The following ARGLU1 variants were observed in gnomAD, a reference collection of about 807,000 sequenced individuals.
ARGLU1 encodes the protein arginine and glutamate-rich protein 1.
Under a neutral mutation model 37.6 loss-of-function variants are expected in ARGLU1, and 9 were observed. The ratio of observed to expected loss-of-function variants is 0.24; its 90% CI spans 0.14 to 0.42. ARGLU1 has a LOEUF of 0.42. Among genes scored for constraint, ARGLU1 ranks in the 10% least tolerant of loss-of-function variants. The pLI is 1.00. For synonymous variants in ARGLU1, 166 were observed against 138.5 expected (o/e 1.20, Z -1.39); for missense variants, 211 against 359.2 (o/e 0.59, Z 3.34).
intron 2 of ARGLU1, chr13:106,558,569 G>C (rs1880716470): frequency 1.0e-6 from 1 of 985,302 alleles, no homozygotes; most frequent in Non-Finnish European, 1.2e-6. Flanking sequence ...AATTTGCCTT[G>C]AGTGTTTCAG....
In ARGLU1 at chr13:106,542,714, C is replaced by T. The variant is rs1327472617; in HGVS notation, c.*1282G>A. The T allele has an allele frequency of 1.3e-5, 2 of 151,134 alleles. No homozygotes were observed. The highest frequency in any genetic ancestry group is 1.3e-4 in the Admixed American group (2 of 15,132). 9.4% of individuals were successfully genotyped at this position (151,134 alleles called of 1,614,324 possible). ...ATGCATCTCAGGTAGCATTTTAGAT[C>T]AATATCCTTTTCTTGAATGTTTTAA... is the stretch of plus-strand genomic sequence containing the variant. On this transcript the variant is annotated 3_prime_UTR_variant, in exon 4 of 4. Transcript: ENST00000400198.
At position 106,567,890 on chromosome 13, in the gene ARGLU1, G is replaced by T. The variant is rs1180638436; in HGVS notation, c.30C>A (p.Ser10=). 1 of 1,610,578 alleles carries T rather than the reference G, an allele frequency of 6.2e-7. No individual in the cohort carries two copies. Residue 10 remains serine (S), a synonymous_variant, in exon 1 of 4, where the codon TCC becomes TCA. Transcript: ENST00000400198. The surrounding 1 kb of genome is among the most constrained non-coding windows in gnomAD (Gnocchi z 4.3). ...TGCTGCTCTTGGTGTGCTTGGAGCGGGACGAGCTCCGGCTCCGAGACCGGC... is the reference window on the plus strand; with the variant it reads ...TGCTGCTCTTGGTGTGCTTGGAGCGTGACGAGCTCCGGCTCCGAGACCGGC... MGRSRSRSS[S]RSKHTKSSKH... is the part of the protein sequence containing the mutation.
At chr13:106,546,316 T>A (rs1880388992) in intron 3 of ARGLU1, among the ~76,000 whole-genome samples, 1 of 152,242 alleles carries the variant, frequency 6.6e-6, no homozygotes, top group Non-Finnish European at 1.5e-5. Context: ...CAGCTTAACT[T>A]CCTAAAGTAT....
rs962266340 is a variant in ARGLU1 at position 106,567,275 on chromosome 13, C to A, written c.347+298G>T. ...TCTCCGACCTCACTCCGAACTCCAC[C>A]CCTACTTCCGGGACACCACTCCTCT... On this transcript the variant is annotated intron_variant, in intron 1 of 3. Coordinates refer to ENST00000400198, the MANE Select transcript of ARGLU1 (RefSeq NM_018011.4). The surrounding 1 kb of genome is among the most constrained non-coding windows in gnomAD (Gnocchi z 4.3). 1.3e-5 allele frequency among the ~76,000 whole-genome samples: 2 copies of A among 151,872 alleles called. No homozygotes were observed. Among genetic ancestry groups the A allele is most frequent in the Non-Finnish European group, 2.9e-5 (2 of 67,994 alleles).
At position 106,557,507 on chromosome 13, in the gene ARGLU1, A is replaced by G. The variant is rs1880690777; in HGVS notation, c.574-376T>C. ...TTTGTCTCACCAATTATGTATACCT[A>G]CGTATTCTTTACCTATACTCCTTTA... is the stretch of plus-strand genomic sequence containing the variant. On this transcript the variant is annotated intron_variant, in intron 2 of 3. Coordinates refer to ENST00000400198, the MANE Select transcript of ARGLU1 (RefSeq NM_018011.4). The surrounding 1 kb of genome is among the most constrained non-coding windows in gnomAD (Gnocchi z 5.0). 2.1e-6 allele frequency: 3 copies of G among 1,411,024 alleles called. No homozygotes were observed. In the Admixed American group the frequency reaches 6.5e-5, roughly 30 times the overall value. 87.4% of individuals were successfully genotyped at this position (1,411,024 alleles called of 1,614,324 possible).
intron 2 of ARGLU1, 61 bp downstream of exon 2, chr13:106,559,371 G>A: frequency 6.2e-7 from 1 of 1,602,602 alleles, no homozygotes; most frequent in Non-Finnish European, 8.5e-7. Flanking sequence ...GCAGGAGGCA[G>A]AACCCAACAC....
intron 1 of ARGLU1, chr13:106,561,863 G>A (rs1216560812): frequency 6.6e-6 from 1 of 152,172 alleles, no homozygotes; most frequent in Non-Finnish European, 1.5e-5. Flanking sequence ...TCAGTTCCCT[G>A]CTTCTATTTC....
chr13:106,547,067 C>A (rs765442762), intron 3 of ARGLU1, among the ~76,000 whole-genome samples: 1 of 152,114 alleles, frequency 6.6e-6, no homozygotes, highest in African/African-American at 2.4e-5. Context: ...GATAAAAAGA[C>A]GAGTCTGGCC....
rs145937593 is a variant in ARGLU1, at chr13:106,567,037, G to A, written c.347+536C>T. Among the ~76,000 whole-genome samples, 44 of 152,124 alleles carry A rather than the reference G, an allele frequency of 2.9e-4. No homozygotes were observed. The East Asian group carries it at 7.8e-3, about 27-fold the overall frequency. ...AACAGGAATACACTAAAGTGAAAAT[G>A]CATTTTTCTGGCGGACCACCTAAAG... On this transcript the variant is annotated intron_variant, in intron 1 of 3. Transcript: ENST00000400198. This position sits in a 1 kb window ranked among gnomAD's most constrained non-coding sequence, Gnocchi z 4.3.
intron 3 of ARGLU1, 70 bp downstream of exon 3, chr13:106,556,978 A>C: frequency 7.3e-7 from 1 of 1,377,252 alleles, no homozygotes; most frequent in Non-Finnish European, 1.0e-6. Flanking sequence ...CACAAAAATC[A>C]ATCCACAAAA....
chr13:106,557,619 T>A lies in ARGLU1; in HGVS notation c.574-488A>T. The A allele has an allele frequency of 6.2e-7, 1 of 1,601,308 alleles. No homozygotes were observed. Among genetic ancestry groups the A allele is most frequent in the Non-Finnish European group, 8.5e-7 (1 of 1,173,956 alleles). On this transcript the variant is annotated intron_variant, in intron 2 of 3. Coordinates refer to ENST00000400198, the MANE Select transcript of ARGLU1 (RefSeq NM_018011.4). This position sits in a 1 kb window ranked among gnomAD's most constrained non-coding sequence, Gnocchi z 5.0. ...GCTGCCATACGCGCCAGCTTCCTCTTTAAAATGATTTGTACTGTTAGCTTG... is the reference window on the plus strand; with the variant it reads ...GCTGCCATACGCGCCAGCTTCCTCTATAAAATGATTTGTACTGTTAGCTTG...
chr13:106,563,384 G>C (rs1880869571), intron 1 of ARGLU1, among the ~76,000 whole-genome samples: 2 of 152,144 alleles, frequency 1.3e-5, no homozygotes, highest in Admixed American at 1.3e-4. Flanking sequence ...CTGTTTCTCT[G>C]AACCTAAGTA....
At position 106,557,977 on chromosome 13, in the gene ARGLU1, T is replaced by G. The variant is rs193240670; in HGVS notation, c.574-846A>C. ...TGGTCAGGAAATAAAATTCTTCAAC[T>G]TATTTTTTCTTGGAGAATTTAATGA... On this transcript the variant is annotated intron_variant, in intron 2 of 3. Coordinates refer to ENST00000400198, the MANE Select transcript of ARGLU1 (RefSeq NM_018011.4). This position sits in a 1 kb window ranked among gnomAD's most constrained non-coding sequence, Gnocchi z 5.0. 1.0e-6 allele frequency: 1 copy of G among 985,402 alleles called. No individual in the cohort carries two copies. Among genetic ancestry groups the G allele is most frequent in the East Asian group, 1.1e-4 (1 of 8,820 alleles). 61.0% of individuals were successfully genotyped at this position (985,402 alleles called of 1,614,324 possible).
At chr13:106,556,732 C>A (rs551047624) in intron 3 of ARGLU1, among the ~76,000 whole-genome samples, 1 of 152,142 alleles carries the variant, frequency 6.6e-6, no homozygotes, top group African/African-American at 2.4e-5. Flanking sequence ...TACCCCCAAG[C>A]TTTTGTTGTT....
chr13:106,560,638 A>T lies in ARGLU1; in HGVS notation c.348-981T>A, dbSNP rs558844421. 3.3e-5 allele frequency among the ~76,000 whole-genome samples: 5 copies of T among 152,354 alleles called. No homozygotes were observed. In the South Asian group the frequency reaches 1.0e-3, roughly 32 times the overall value. On this transcript the variant is annotated intron_variant, in intron 1 of 3. Transcript: ENST00000400198. ...TCCATTTCTTAAGGTTACTAAAAAAATTTTACATTGCATATATTGTTCATA... is the reference window on the plus strand; with the variant it reads ...TCCATTTCTTAAGGTTACTAAAAAATTTTTACATTGCATATATTGTTCATA...
At chr13:106,558,129 A>AC in intron 2 of ARGLU1, 2 of 984,968 alleles carry the variant, frequency 2.0e-6, no homozygotes, top group South Asian at 4.7e-5. Context: ...TGTAAAAAAA[A>AC]AATTGTTAAT....
At chr13:106,545,349 C>T (rs1880363472) in intron 3 of ARGLU1, among the ~76,000 whole-genome samples, 1 of 152,178 alleles carries the variant, frequency 6.6e-6, no homozygotes, top group Non-Finnish European at 1.5e-5. Context: ...GAGCTGCCTA[C>T]CTATTCCCAT....
chr13:106,553,478 A>C (rs929552522), intron 3 of ARGLU1, among the ~76,000 whole-genome samples: 4 of 152,202 alleles, frequency 2.6e-5, no homozygotes, highest in Non-Finnish European at 5.9e-5. Context: ...ACACAGAATT[A>C]AAGTTTTTTA....
rs1880684254 is a variant in ARGLU1, at chr13:106,557,234, G to A, written c.574-103C>T. 6 of 1,031,544 alleles carry A rather than the reference G, an allele frequency of 5.8e-6. No homozygotes were observed. In the South Asian group the frequency reaches 7.2e-5, roughly 12 times the overall value. 63.9% of individuals were successfully genotyped at this position (1,031,544 alleles called of 1,614,324 possible). On this transcript the variant is annotated intron_variant, in intron 2 of 3. Coordinates refer to ENST00000400198, the MANE Select transcript of ARGLU1 (RefSeq NM_018011.4). The surrounding 1 kb of genome is among the most constrained non-coding windows in gnomAD (Gnocchi z 5.0). The stretch of plus-strand genomic sequence containing the variant: ...TGAACTTTTTTGATATGACTTACAG[G>A]GTAGCTTTATAGCTACCTTCTGTCT...
Sources: gnomAD v4.1 joint callset for allele counts (sites outside exome capture counted in the v4.1 genomes callset) on GRCh38, gnomAD v4.1.1 for gene constraint, Gnocchi (gnomAD v3.1) non-coding constraint, MANE v1.5 for transcripts, NCBI Gene and HGNC (gene_info 2026-07-23, HGNC 2026-07-21) for gene names.